Variants in NEURL1B observed in about 807,000 individuals in gnomAD.
NEURL1B encodes the protein neuralized E3 ubiquitin protein ligase 1B, also known as E3 ubiquitin-protein ligase NEURL1B.
In NEURL1B, 13 loss-of-function variants were observed where a neutral mutation model predicts 37.4. The observed-to-expected ratio is 0.35, with a 90% CI of 0.23 to 0.55. The LOEUF (loss-of-function observed/expected upper bound fraction) is 0.55, where lower values mean the gene tolerates loss of function less well. Ranked by LOEUF, NEURL1B falls within the 20% of genes least tolerant of loss-of-function variation. The pLI, the probability that NEURL1B is intolerant of heterozygous loss-of-function variation, is 0.89. For missense variants in NEURL1B, 790 were observed against 879.2 expected, an observed-to-expected ratio of 0.90 and a Z score of 1.28; for synonymous variants, 432 against 426.6, an observed-to-expected ratio of 1.01 and a Z score of -0.16.
At chr5:172,648,495 T>C (rs988297763) in intron 1 of NEURL1B, among the ~76,000 whole-genome samples, 1 of 152,192 alleles carries the variant, frequency 6.6e-6, no homozygotes, top group Non-Finnish European at 1.5e-5. Context: ...AGATGGCTCC[T>C]ATTATTAGTG....
intron 1 of NEURL1B, among the ~76,000 whole-genome samples, chr5:172,658,364 G>T (rs1210204531): frequency 1.3e-5 from 2 of 152,190 alleles, no homozygotes; most frequent in African/African-American, 4.8e-5. Flanking sequence ...CGGGCTTCCT[G>T]CAGGCATCCT....
rs539962152 is a variant in NEURL1B, at chr5:172,681,961, ATGT to A, written c.578-1450_578-1448del. Among the ~76,000 whole-genome samples, 15 of 152,316 alleles carry A rather than the reference ATGT, an allele frequency of 9.8e-5. No homozygotes were observed. In the South Asian group the frequency reaches 1.0e-3, roughly 11 times the overall value. On this transcript the variant is annotated intron_variant, in intron 2 of 4. Transcript: ENST00000369800. ...ACAATATTTTAATGACTCTTTCCTG[ATGT>A]TGTTGTTATTTAGCATAGCAGTCTC... is the stretch of plus-strand genomic sequence containing the variant.
intron 1 of NEURL1B, 52 bp from the exon 2 acceptor site, chr5:172,669,733 G>A: frequency 5.1e-6 from 6 of 1,182,440 alleles, no homozygotes; most frequent in Non-Finnish European, 6.4e-6. Flanking sequence ...ACCAATCGGG[G>A]CCCGCAGGAG....
Position 172,669,801 on chromosome 5 carries a change from G to A in NEURL1B, c.48G>A (p.Ala16=), listed in dbSNP as rs1242992355. 3.1e-6 allele frequency: 4 copies of A among 1,277,458 alleles called. No homozygotes were observed. Among genetic ancestry groups the A allele is most frequent in the Non-Finnish European group, 4.0e-6 (4 of 1,004,598 alleles). 79.1% of individuals were successfully genotyped at this position (1,277,458 alleles called of 1,614,324 possible). Residue 16 remains alanine (A), a synonymous_variant, in exon 2 of 5, where the codon GCG becomes GCA. Transcript: ENST00000369800. ...HRTLPDPSPP[A]RLLATRPCCG... ...TTTCCGCAGACCCGAGCCCACCGGC[G>A]CGCCTCCTGGCCACCCGGCCGTGCT... is the stretch of plus-strand genomic sequence containing the variant.
In NEURL1B at chr5:172,683,391, CT is replaced by C; in HGVS notation, c.578-27del. On this transcript the variant is annotated intron_variant, in intron 2 of 4. Transcript: ENST00000369800. This position sits in a 1 kb window ranked among gnomAD's most constrained non-coding sequence, Gnocchi z 5.6. ...CCAGCCTGACGCGCGGCCTCTCCCC[CT>C]CCATGTCCCTCCCTTTGTCCGCACA... 1 of 1,297,772 alleles carries C rather than the reference CT, an allele frequency of 7.7e-7. No individual in the cohort carries two copies. Among genetic ancestry groups the C allele is most frequent in the Non-Finnish European group, 9.8e-7 (1 of 1,017,412 alleles). The allele number at this position is 1,297,772 out of a possible 1,614,324, so 80.4% of individuals were successfully genotyped here.
At position 172,665,299 on chromosome 5, in the gene NEURL1B, G is replaced by A. The variant is rs78946748; in HGVS notation, c.32-4486G>A. Among the ~76,000 whole-genome samples, 7,193 of 152,258 alleles carry A rather than the reference G, an allele frequency of 0.047. 507 individuals carry two copies. The highest frequency in any genetic ancestry group is 0.16 in the African/African-American group (6,520 of 41,508). ...TGTCGTGCACAAGGCCACCGTGAGC[G>A]TGGACAGCACAGGCTTCTGCTGTCC... On this transcript the variant is annotated intron_variant, in intron 1 of 4. Transcript: ENST00000369800. The surrounding 1 kb of genome is among the most constrained non-coding windows in gnomAD (Gnocchi z 4.1).
In NEURL1B at chr5:172,641,426, G is replaced by A; in HGVS notation, c.20G>A (p.Arg7Gln). Residue 7 changes from arginine (R) to glutamine (Q), a missense_variant, in exon 1 of 5, where the codon CGG becomes CAG. Arg to Gln is a conservative substitution (Grantham distance 43). Coordinates refer to ENST00000369800, the MANE Select transcript of NEURL1B (RefSeq NM_001142651.3). The surrounding 1 kb of genome is among the most constrained non-coding windows in gnomAD (Gnocchi z 6.4). Reference protein sequence around the residue: MGNTVHRTLPDPSPPAR... With the variant: MGNTVHQTLPDPSPPAR... ...GCAGCGATGGGCAACACGGTGCACC[G>A]GACCCTGCCAGGTACGCCGGGGAGC... is the stretch of plus-strand genomic sequence containing the variant. 1.5e-6 allele frequency: 2 copies of A among 1,337,362 alleles called. No individual in the cohort carries two copies. The highest frequency in any genetic ancestry group is 1.8e-5 in the South Asian group (1 of 54,314). The allele number at this position is 1,337,362 out of a possible 1,614,324, so 82.8% of individuals were successfully genotyped here.
At chr5:172,668,331 C>A (rs548843819) in intron 1 of NEURL1B, among the ~76,000 whole-genome samples, 2 of 152,120 alleles carry the variant, frequency 1.3e-5, no homozygotes, top group African/African-American at 2.4e-5. Flanking sequence ...TAATGTGGAA[C>A]CTTGGCTTTT....
chr5:172,688,598 G>A lies in NEURL1B; in HGVS notation c.*1673G>A, dbSNP rs1307300832. ...TTTGGGGCCTCCTGTTCCTCCTCTA[G>A]CTGGGAGTAATCACAGTTGTCTGAC... On this transcript the variant is annotated 3_prime_UTR_variant, in exon 5 of 5. Coordinates refer to ENST00000369800, the MANE Select transcript of NEURL1B (RefSeq NM_001142651.3). This position sits in a 1 kb window ranked among gnomAD's most constrained non-coding sequence, Gnocchi z 4.3. 1 of 152,242 alleles carries A rather than the reference G, an allele frequency of 6.6e-6. No individual in the cohort carries two copies. The highest frequency in any genetic ancestry group is 1.5e-5 in the Non-Finnish European group (1 of 68,058). The allele number at this position is 152,242 out of a possible 1,614,324, so 9.4% of individuals were successfully genotyped here.
rs1241522217 is a variant in NEURL1B at position 172,689,911 on chromosome 5, TC to T, written c.*2987del. The T allele has an allele frequency of 6.6e-6, 1 of 152,256 alleles. No individual in the cohort carries two copies. Among genetic ancestry groups the T allele is most frequent in the African/African-American group, 2.4e-5 (1 of 41,424 alleles). 9.4% of individuals were successfully genotyped at this position (152,256 alleles called of 1,614,324 possible). A position where few individuals can be genotyped will look rare whatever the true frequency, so the allele number is the denominator to read the frequency against. ...CCTGGCAGAGCTGAGGTCTGAGAGA[TC>T]TGGACTCCAACCCAAGGGCCCTCTC... On this transcript the variant is annotated 3_prime_UTR_variant, in exon 5 of 5. Coordinates refer to ENST00000369800, the MANE Select transcript of NEURL1B (RefSeq NM_001142651.3).
chr5:172,649,345 CTTTTTTTTTTTTTT>C (rs70984904), intron 1 of NEURL1B, among the ~76,000 whole-genome samples: 32 of 65,228 alleles, frequency 4.9e-4, no homozygotes, highest in African/African-American at 1.7e-3. Flanking sequence ...CCCTTCACTT[CTTTTTTTTTTTTTT>C]TTTTTTTTTT....
chr5:172,650,555 G>A (rs1342446359), intron 1 of NEURL1B, among the ~76,000 whole-genome samples: 1 of 152,208 alleles, frequency 6.6e-6, no homozygotes, highest in African/African-American at 2.4e-5. Flanking sequence ...TTGAATCTCA[G>A]TTCCACTGTC....
At chr5:172,660,449 C>G (rs1247409664) in intron 1 of NEURL1B, among the ~76,000 whole-genome samples, 1 of 152,032 alleles carries the variant, frequency 6.6e-6, no homozygotes, top group African/African-American at 2.4e-5. Context: ...CAGCTGTTGA[C>G]GGGGTTTTGT....
At chr5:172,678,947 G>A (rs1487616804) in intron 2 of NEURL1B, among the ~76,000 whole-genome samples, 3 of 152,252 alleles carry the variant, frequency 2.0e-5, no homozygotes, top group Non-Finnish European at 1.5e-5. Flanking sequence ...AAAGGGAAGA[G>A]CTAGGCCCTG....
intron 1 of NEURL1B, among the ~76,000 whole-genome samples, chr5:172,646,309 G>T (rs550721667): frequency 6.6e-6 from 1 of 152,190 alleles, no homozygotes; most frequent in Non-Finnish European, 1.5e-5. Context: ...GAATTACATG[G>T]AATAGAGAAA....
intron 3 of NEURL1B, among the ~76,000 whole-genome samples, chr5:172,685,547 C>T (rs1348131814): frequency 2.0e-5 from 3 of 152,198 alleles, no homozygotes; most frequent in Non-Finnish European, 2.9e-5. Context: ...GGGATCTTCT[C>T]GCAAGGGGCA....
chr5:172,665,954 G>C lies in NEURL1B; in HGVS notation c.32-3831G>C, dbSNP rs190387142. On this transcript the variant is annotated intron_variant, in intron 1 of 4. Coordinates refer to ENST00000369800, the MANE Select transcript of NEURL1B (RefSeq NM_001142651.3). This position sits in a 1 kb window ranked among gnomAD's most constrained non-coding sequence, Gnocchi z 4.1. Reference sequence around the variant, plus strand: ...GAAGGCAGGATGTGTGTGATCTGCAGAAAGAATAACTGGATGAAGAAATGA... The same window carrying C: ...GAAGGCAGGATGTGTGTGATCTGCACAAAGAATAACTGGATGAAGAAATGA... Among the ~76,000 whole-genome samples, 4 of 152,178 alleles carry C rather than the reference G, an allele frequency of 2.6e-5. No homozygotes were observed. The highest frequency in any genetic ancestry group is 7.2e-5 in the African/African-American group (3 of 41,428).
At chr5:172,650,489 G>C (rs754042648) in intron 1 of NEURL1B, among the ~76,000 whole-genome samples, 1 of 152,112 alleles carries the variant, frequency 6.6e-6, no homozygotes, top group Non-Finnish European at 1.5e-5. Flanking sequence ...GGGGTCTTTC[G>C]CTGGAATCTC....
At chr5:172,656,565 T>C in intron 1 of NEURL1B, 1 of 1,611,112 alleles carries the variant, frequency 6.2e-7, no homozygotes. Flanking sequence ...CAAGAGCCCC[T>C]TCCCCGCGGC....
Sources: allele counts gnomAD v4.1 joint callset (sites outside exome capture counted in the v4.1 genomes callset), GRCh38; gene constraint gnomAD v4.1.1; non-coding constraint Gnocchi (gnomAD v3.1); transcripts MANE v1.5; gene names NCBI Gene and HGNC (gene_info 2026-07-23, HGNC 2026-07-21).